Variants in VTI1A observed in about 807,000 individuals in gnomAD.
VTI1A encodes vesicle transport through interaction with t-SNAREs 1A, also known as vesicle transport through interaction with t-SNAREs homolog 1A.
A neutral mutation model predicts 34.9 loss-of-function variants in VTI1A; 22 were observed. That is an observed-to-expected ratio of 0.63 (90% confidence interval 0.45 to 0.90). The LOEUF is 0.90. VTI1A is among the 40% of genes least tolerant of loss of function. VTI1A has a pLI of 0.00. For missense variants in VTI1A, 268 were observed against 275.6 expected (o/e 0.97, Z 0.20); for synonymous variants, 87 against 97.3 (o/e 0.89, Z 0.62).
At position 112,665,356 on chromosome 10, in the gene VTI1A, C is replaced by T. The variant is rs1165299304; in HGVS notation, c.428-2862C>T. Among the ~76,000 whole-genome samples the T allele has an allele frequency of 5.3e-5, 8 of 149,738 alleles. No individual in the cohort carries two copies. In the East Asian group the frequency reaches 7.8e-4, roughly 15 times the overall value. On this transcript the variant is annotated intron_variant, in intron 5 of 7. Transcript: ENST00000393077. The stretch of plus-strand genomic sequence containing the variant: ...TATTCACATGAATTTTTTTTCATTC[C>T]GTAATAGTAATCATTGTGATATATT...
chr10:112,475,954 A>G (rs956883208), intron 3 of VTI1A, among the ~76,000 whole-genome samples: 1 of 152,236 alleles, frequency 6.6e-6, no homozygotes, highest in African/African-American at 2.4e-5. Context: ...TAACCAGCCC[A>G]GTGCAACTGT....
intron 7 of VTI1A, among the ~76,000 whole-genome samples, chr10:112,685,289 C>A (rs777186061): frequency 6.6e-6 from 1 of 152,122 alleles, no homozygotes; most frequent in Non-Finnish European, 1.5e-5. Context: ...CACACTAGAC[C>A]TCTGTATCTC....
chr10:112,477,468 A>G (rs1391500680), intron 3 of VTI1A, among the ~76,000 whole-genome samples: 1 of 152,264 alleles, frequency 6.6e-6, no homozygotes, highest in Non-Finnish European at 1.5e-5. Context: ...TTCTAAGGAA[A>G]TGTCCAAATT....
chr10:112,802,465 A>G (rs1852907978), intron 7 of VTI1A, among the ~76,000 whole-genome samples: 1 of 152,164 alleles, frequency 6.6e-6, no homozygotes, highest in African/African-American at 2.4e-5. Context: ...GGGGATGATA[A>G]TAGGCCCCAG....
chr10:112,608,807 C>A lies in VTI1A; in HGVS notation c.428-59411C>A, dbSNP rs192475636. On this transcript the variant is annotated intron_variant, in intron 5 of 7. Transcript: ENST00000393077. ...CCTTTCTTGGTCAGGAAAATAACAT[C>A]TTCAACATCTCTTGTTTCTTATTCT... Among the ~76,000 whole-genome samples the A allele has an allele frequency of 2.4e-4, 37 of 152,234 alleles. 1 individual carries two copies. The East Asian group carries it at 6.8e-3, about 28-fold the overall frequency.
intron 5 of VTI1A, among the ~76,000 whole-genome samples, chr10:112,656,353 A>G (rs994233231): frequency 1.0e-4 from 15 of 149,652 alleles, no homozygotes; most frequent in Admixed American, 5.3e-4. Context: ...AATTCAATAA[A>G]CTGACTTATC....
intron 7 of VTI1A, among the ~76,000 whole-genome samples, chr10:112,802,650 C>A (rs1196963999): frequency 6.6e-6 from 1 of 152,198 alleles, no homozygotes; most frequent in Non-Finnish European, 1.5e-5. Context: ...GAAGAATCAC[C>A]AAAGAGTAGA....
At chr10:112,452,063 A>G (rs1847260359) in intron 1 of VTI1A, among the ~76,000 whole-genome samples, 1 of 152,196 alleles carries the variant, frequency 6.6e-6, no homozygotes, top group East Asian at 1.9e-4. Context: ...GACTTGCATT[A>G]TATTTCTGTT....
At chr10:112,457,882 A>AC (rs980746302) in intron 1 of VTI1A, among the ~76,000 whole-genome samples, 52 of 152,230 alleles carry the variant, frequency 3.4e-4, no homozygotes, top group African/African-American at 1.3e-3. Context: ...AAGTTACAGG[A>AC]CGGGAGGAGC....
intron 7 of VTI1A, chr10:112,752,576 C>A (rs1468233939): frequency 1.0e-5 from 10 of 985,224 alleles, no homozygotes; most frequent in Non-Finnish European, 1.2e-5. Context: ...GGAAAAACGC[C>A]CACTTAATAA....
intron 4 of VTI1A, among the ~76,000 whole-genome samples, chr10:112,533,797 G>A (rs1011030780): frequency 6.8e-6 from 1 of 147,016 alleles, no homozygotes. Context: ...ATACTTTAAA[G>A]GCCAAAAAAA....
At chr10:112,658,594 T>G (rs1847323485) in intron 5 of VTI1A, among the ~76,000 whole-genome samples, 1 of 152,096 alleles carries the variant, frequency 6.6e-6, no homozygotes, top group Non-Finnish European at 1.5e-5. Context: ...TTAAAGTCAT[T>G]TACAGTCTAT....
chr10:112,840,955 CACG>C, the VTI1A span, among the ~76,000 whole-genome samples: 4 of 152,244 alleles, frequency 2.6e-5, no homozygotes, highest in African/African-American at 9.6e-5. Context: ...AGATGCTTAG[CACG>C]ACACCTGCCA....
the VTI1A span, among the ~76,000 whole-genome samples, chr10:112,833,670 T>C: frequency 6.6e-6 from 1 of 152,160 alleles, no homozygotes; most frequent in African/African-American, 2.4e-5. Context: ...CCCTTAGTCA[T>C]TTCTTTCTCC....
chr10:112,768,126 C>A (rs1390127538), intron 7 of VTI1A, among the ~76,000 whole-genome samples: 2 of 152,200 alleles, frequency 1.3e-5, no homozygotes, highest in Non-Finnish European at 2.9e-5. Flanking sequence ...TGGTTTGCAG[C>A]TCCCTGCAGA....
At chr10:112,694,216 T>C (rs1038656689) in intron 7 of VTI1A, among the ~76,000 whole-genome samples, 1 of 151,974 alleles carries the variant, frequency 6.6e-6, no homozygotes, top group African/African-American at 2.4e-5. Context: ...AAAAAATATA[T>C]ATTTTTTATC....
At chr10:112,837,203 G>A in the VTI1A span, among the ~76,000 whole-genome samples, 4 of 152,194 alleles carry the variant, frequency 2.6e-5, no homozygotes, top group Admixed American at 6.5e-5. Flanking sequence ...GGTGCACACC[G>A]GTAATCCCAG....
At chr10:112,762,920 A>T (rs1010866134) in intron 7 of VTI1A, among the ~76,000 whole-genome samples, 1 of 152,122 alleles carries the variant, frequency 6.6e-6, no homozygotes, top group Non-Finnish European at 1.5e-5. Flanking sequence ...CAACCAAAAG[A>T]TCTGGGCCAA....
chr10:112,803,271 T>C (rs963328224), intron 7 of VTI1A, among the ~76,000 whole-genome samples: 7 of 152,150 alleles, frequency 4.6e-5, no homozygotes, highest in African/African-American at 1.7e-4. Context: ...TTTTACCAGG[T>C]TGGTCAGGCT....
Sources: gnomAD v4.1 joint callset for allele counts (sites outside exome capture counted in the v4.1 genomes callset) on GRCh38, gnomAD v4.1.1 for gene constraint, MANE v1.5 for transcripts, NCBI Gene and HGNC (gene_info 2026-07-23, HGNC 2026-07-21) for gene names.